The following PDE4D variants were observed in gnomAD, a reference collection of about 807,000 sequenced individuals.
PDE4D encodes phosphodiesterase 4D, also known as 3',5'-cyclic-AMP phosphodiesterase 4D.
PDE4D carries 24 observed loss-of-function variants against 87.4 expected under a neutral mutation model. That is an observed-to-expected ratio of 0.27 (90% CI 0.20 to 0.39). The LOEUF (loss-of-function observed/expected upper bound fraction) is 0.39, where lower values mean the gene tolerates loss of function less well. Among genes scored for constraint, PDE4D ranks in the 10% least tolerant of loss-of-function variants. PDE4D has a pLI of 1.00. For synonymous variants in PDE4D, 384 were observed against 383.2 expected (o/e 1.00, Z -0.02); for missense variants, 714 against 1,041.0 (o/e 0.69, Z 4.32).
intron 1 of PDE4D, among the ~76,000 whole-genome samples, chr5:60,467,424 C>T (rs1015025228): frequency 1.3e-5 from 2 of 152,132 alleles, no homozygotes; most frequent in African/African-American, 2.4e-5. Flanking sequence ...CAGAAATGTG[C>T]TTTCCTTCTT....
At chr5:59,503,509 A>T (rs1207472798) in intron 1 of PDE4D, among the ~76,000 whole-genome samples, 3 of 152,168 alleles carry the variant, frequency 2.0e-5, no homozygotes, top group African/African-American at 7.2e-5. Flanking sequence ...GTCTATAGGT[A>T]TTATGATCCA....
At chr5:59,753,484 A>G in intron 1 of PDE4D, among the ~76,000 whole-genome samples, 1 of 152,178 alleles carries the variant, frequency 6.6e-6, no homozygotes, top group Admixed American at 6.6e-5. Context: ...TGGATCTTCC[A>G]CGTGGAAATG....
At chr5:60,094,588 C>CTT (rs3087200) in intron 2 of PDE4D, among the ~76,000 whole-genome samples, 894 of 58,196 alleles carry the variant, frequency 0.015, 86 homozygotes, top group East Asian at 0.095. Flanking sequence ...GAGTGACATG[C>CTT]TTTTTTTTTT....
At chr5:59,273,512 C>A (rs1764247824) in intron 1 of PDE4D, among the ~76,000 whole-genome samples, 1 of 151,908 alleles carries the variant, frequency 6.6e-6, no homozygotes, top group Non-Finnish European at 1.5e-5. Flanking sequence ...GCTGATTATA[C>A]CCTCAGGCCA....
intron 1 of PDE4D, among the ~76,000 whole-genome samples, chr5:59,672,831 C>T (rs1354145054): frequency 6.6e-6 from 1 of 152,102 alleles, no homozygotes; most frequent in Non-Finnish European, 1.5e-5. Context: ...GATGTCTTAC[C>T]ATCCCAAACT....
At chr5:59,343,009 A>T (rs1405228978) in intron 1 of PDE4D, among the ~76,000 whole-genome samples, 4 of 147,228 alleles carry the variant, frequency 2.7e-5, no homozygotes, top group South Asian at 2.2e-4. Context: ...AAGTTCAGGG[A>T]TATATGTGCA....
chr5:59,866,630 CAG>C (rs1237192475), intron 1 of PDE4D, among the ~76,000 whole-genome samples: 2 of 151,972 alleles, frequency 1.3e-5, no homozygotes, highest in African/African-American at 4.8e-5. Flanking sequence ...GCCTGGGCAA[CAG>C]AGCAAGATTT....
intron 1 of PDE4D, among the ~76,000 whole-genome samples, chr5:60,232,622 A>G (rs1745951027): frequency 6.6e-6 from 1 of 151,872 alleles, no homozygotes; most frequent in Admixed American, 6.6e-5. Context: ...CTTGTGTACT[A>G]AATTGAGTAA....
chr5:59,456,656 A>G (rs1374056272), intron 1 of PDE4D, among the ~76,000 whole-genome samples: 2 of 152,186 alleles, frequency 1.3e-5, no homozygotes, highest in African/African-American at 4.8e-5. Context: ...GATTCTTCTG[A>G]TGTATATGGA....
At chr5:59,649,637 G>A (rs551499670) in intron 1 of PDE4D, among the ~76,000 whole-genome samples, 2 of 151,650 alleles carry the variant, frequency 1.3e-5, no homozygotes, top group South Asian at 2.1e-4. Context: ...ACCTATTCCC[G>A]AAACAGGAAT....
chr5:59,443,650 T>C (rs530817186), intron 1 of PDE4D, among the ~76,000 whole-genome samples: 34 of 152,332 alleles, frequency 2.2e-4, no homozygotes, highest in Non-Finnish European at 2.2e-4. Flanking sequence ...TCATGAACAA[T>C]GTTAATCCCC....
chr5:59,886,456 G>T (rs1200989932), intron 1 of PDE4D, among the ~76,000 whole-genome samples: 1 of 151,962 alleles, frequency 6.6e-6, no homozygotes, highest in Non-Finnish European at 1.5e-5. Context: ...GGCGGAGCTT[G>T]CAGTGAGCCG....
intron 1 of PDE4D, among the ~76,000 whole-genome samples, chr5:60,360,556 G>A (rs548498487): frequency 1.2e-4 from 19 of 152,322 alleles, no homozygotes; most frequent in Non-Finnish European, 2.4e-4. Context: ...TGTGGTCAGC[G>A]AAGAAAATCC....
chr5:60,458,477 C>T (rs984499948), intron 1 of PDE4D, among the ~76,000 whole-genome samples: 2 of 150,952 alleles, frequency 1.3e-5, no homozygotes, highest in Admixed American at 6.6e-5. Flanking sequence ...TGGAATGACA[C>T]GTCTCCCTCT....
At chr5:59,237,024 T>C (rs1373437814) in intron 1 of PDE4D, among the ~76,000 whole-genome samples, 4 of 152,160 alleles carry the variant, frequency 2.6e-5, no homozygotes, top group African/African-American at 4.8e-5. Flanking sequence ...CCTCCAAAGA[T>C]ACTTCTGGTC....
At chr5:60,207,115 G>C (rs182678430) in intron 1 of PDE4D, among the ~76,000 whole-genome samples, 37 of 152,302 alleles carry the variant, frequency 2.4e-4, no homozygotes, top group African/African-American at 8.9e-4. Context: ...ATGCCTGAAA[G>C]GAACATCAGA....
intron 1 of PDE4D, among the ~76,000 whole-genome samples, chr5:59,258,616 A>G (rs1359524053): frequency 2.0e-5 from 3 of 149,938 alleles, no homozygotes; most frequent in Admixed American, 6.7e-5. Flanking sequence ...TATAATTTAC[A>G]TATCTCTAAG....
intron 1 of PDE4D, among the ~76,000 whole-genome samples, chr5:59,649,902 AACCTTTTTTTTTT>A (rs1256847654): frequency 6.9e-5 from 3 of 43,794 alleles, no homozygotes; most frequent in Non-Finnish European, 1.3e-4. Context: ...ATAGTTTGTG[AACCTTTTTTTTTT>A]TTTTTTTTTT....
chr5:59,193,413 T>C, intron 3 of PDE4D, 87 bp downstream of exon 3: 5 of 1,197,336 alleles, frequency 4.2e-6, no homozygotes, highest in Non-Finnish European at 4.8e-6. Flanking sequence ...TGATTTAAAA[T>C]TAAATTAAAT....
Sources: allele counts gnomAD v4.1 joint callset (sites outside exome capture counted in the v4.1 genomes callset), GRCh38; gene constraint gnomAD v4.1.1; transcripts MANE v1.5; gene names NCBI Gene and HGNC (gene_info 2026-07-23, HGNC 2026-07-21).